Variants in RHOA observed in about 807,000 individuals in gnomAD.
RHOA encodes transforming protein RhoA.
A neutral mutation model predicts 17.5 loss-of-function variants in RHOA; 3 were observed. That is an observed-to-expected ratio of 0.17 (90% CI 0.08 to 0.44). RHOA has a LOEUF of 0.44. Ranked by LOEUF, RHOA falls within the 20% of genes least tolerant of loss-of-function variation. RHOA has a pLI of 0.99. For missense variants in RHOA, 56 were observed against 242.3 expected, an observed-to-expected ratio of 0.23 and a Z score of 5.10; for synonymous variants, 98 against 88.4, an observed-to-expected ratio of 1.11 and a Z score of -0.61.
intron 1 of RHOA, among the ~76,000 whole-genome samples, chr3:49,391,147 G>A (rs1213387415): frequency 6.6e-6 from 1 of 151,572 alleles, no homozygotes; most frequent in East Asian, 1.9e-4. Context: ...GTACCCGGGA[G>A]GCAGAGGTTG....
chr3:49,368,577 G>A (rs1162045347), intron 2 of RHOA, 29 bp from the exon 3 acceptor site: 8 of 1,613,496 alleles, frequency 5.0e-6, no homozygotes, highest in African/African-American at 2.7e-5. Flanking sequence ...CCACAAGAGT[G>A]CAAGGTTAAT....
chr3:49,386,020 A>G (rs931008159), intron 1 of RHOA, among the ~76,000 whole-genome samples: 8 of 152,136 alleles, frequency 5.3e-5, no homozygotes, highest in African/African-American at 1.9e-4. Flanking sequence ...TGAGTCCTCC[A>G]GCTTTGTTTT....
chr3:49,384,048 A>T (rs2048359058), intron 1 of RHOA, among the ~76,000 whole-genome samples: 1 of 152,100 alleles, frequency 6.6e-6, no homozygotes, highest in South Asian at 2.1e-4. Context: ...GAAAGAAAAG[A>T]AAAAGAAAAA....
intron 1 of RHOA, among the ~76,000 whole-genome samples, chr3:49,406,038 G>A (rs529391505): frequency 2.8e-4 from 43 of 152,238 alleles, no homozygotes; most frequent in African/African-American, 8.9e-4. Flanking sequence ...GCTTCATTAT[G>A]AATAACTGGA....
chr3:49,364,747 C>T (rs1224387639), intron 3 of RHOA, among the ~76,000 whole-genome samples: 1 of 151,744 alleles, frequency 6.6e-6, no homozygotes, highest in African/African-American at 2.4e-5. Flanking sequence ...TTTGGGAGGC[C>T]GAGGCAGGTG....
intron 1 of RHOA, among the ~76,000 whole-genome samples, chr3:49,393,693 T>G (rs1186110806): frequency 7.6e-6 from 1 of 131,038 alleles, no homozygotes; most frequent in African/African-American, 3.1e-5. Flanking sequence ...TGTGTGTGTG[T>G]GTGTGTGTGT....
At chr3:49,394,882 C>T (rs777780107) in intron 1 of RHOA, among the ~76,000 whole-genome samples, 12 of 152,052 alleles carry the variant, frequency 7.9e-5, no homozygotes, top group Non-Finnish European at 1.5e-4. Context: ...CTGGAAAGAG[C>T]GGTAACGATG....
At chr3:49,370,663 C>T (rs1034414715) in intron 2 of RHOA, among the ~76,000 whole-genome samples, 1 of 152,038 alleles carries the variant, frequency 6.6e-6, no homozygotes, top group Non-Finnish European at 1.5e-5. Flanking sequence ...ACATCCTCAC[C>T]CTCCTGTGGT....
At chr3:49,386,418 G>T (rs2048396339) in intron 1 of RHOA, among the ~76,000 whole-genome samples, 1 of 152,164 alleles carries the variant, frequency 6.6e-6, no homozygotes, top group Non-Finnish European at 1.5e-5. Context: ...CCTCGCAACA[G>T]TCCTCCTGTA....
chr3:49,405,207 G>A (rs1015679451), intron 1 of RHOA, among the ~76,000 whole-genome samples: 13 of 144,838 alleles, frequency 9.0e-5, no homozygotes, highest in Admixed American at 3.0e-4. Context: ...GCAGTGAGCC[G>A]AGATCGCGCC....
chr3:49,388,513 T>C (rs367583530), intron 1 of RHOA, among the ~76,000 whole-genome samples: 1 of 152,292 alleles, frequency 6.6e-6, no homozygotes, highest in South Asian at 2.1e-4. Context: ...GGTGTGTCCA[T>C]CATATGTTCT....
intron 1 of RHOA, among the ~76,000 whole-genome samples, chr3:49,408,795 CTTT>C (rs113298712): frequency 2.9e-4 from 42 of 142,866 alleles, no homozygotes; most frequent in Admixed American, 4.2e-4. Flanking sequence ...ACTTAAGATC[CTTT>C]TTTTTTTTTT....
intron 1 of RHOA, among the ~76,000 whole-genome samples, chr3:49,398,709 G>A (rs1484722746): frequency 1.3e-5 from 2 of 150,774 alleles, no homozygotes; most frequent in Admixed American, 6.6e-5. Context: ...TCGTGGTGGC[G>A]GGCACCTGTA....
chr3:49,378,963 A>G (rs1012217946), intron 1 of RHOA, among the ~76,000 whole-genome samples: 1 of 152,176 alleles, frequency 6.6e-6, no homozygotes, highest in Non-Finnish European at 1.5e-5. Context: ...AAAGACAAAT[A>G]ATCTAATCCA....
In RHOA at chr3:49,382,298, G is replaced by A. The variant is rs562301644; in HGVS notation, c.-2-6707C>T. Among the ~76,000 whole-genome samples, 8 of 151,856 alleles carry A rather than the reference G, an allele frequency of 5.3e-5. No homozygotes were observed. The East Asian group carries it at 1.2e-3, about 22-fold the overall frequency. On this transcript the variant is annotated intron_variant, in intron 1 of 4. Transcript: ENST00000418115. Reference sequence around the variant, plus strand: ...CGTGCCACTGCACTCCAGCCTGGGTGACAGAGAGAGACTCCGTCTCAAAAA... The same window carrying A: ...CGTGCCACTGCACTCCAGCCTGGGTAACAGAGAGAGACTCCGTCTCAAAAA...
chr3:49,369,701 C>G (rs923301265), intron 2 of RHOA, among the ~76,000 whole-genome samples: 2 of 151,202 alleles, frequency 1.3e-5, no homozygotes, highest in Non-Finnish European at 2.9e-5. Flanking sequence ...TGCCACTGCA[C>G]TCCAGCACTC....
At chr3:49,386,404 C>A (rs1439122566) in intron 1 of RHOA, among the ~76,000 whole-genome samples, 1 of 152,172 alleles carries the variant, frequency 6.6e-6, no homozygotes, top group African/African-American at 2.4e-5. Flanking sequence ...TTTAAACAAA[C>A]AATCCTCGCA....
At chr3:49,400,246 G>A (rs1317874757) in intron 1 of RHOA, among the ~76,000 whole-genome samples, 4 of 146,418 alleles carry the variant, frequency 2.7e-5, no homozygotes, top group Non-Finnish European at 6.0e-5. Context: ...CGAAACTACA[G>A]AAGCATACTG....
chr3:49,365,445 G>C (rs1459704625), intron 3 of RHOA, among the ~76,000 whole-genome samples: 2 of 151,856 alleles, frequency 1.3e-5, no homozygotes, highest in African/African-American at 2.4e-5. Context: ...GCCTGGCCTA[G>C]AATAGATGTT....
Sources: gnomAD v4.1 joint callset for allele counts (sites outside exome capture counted in the v4.1 genomes callset) on GRCh38, gnomAD v4.1.1 for gene constraint, MANE v1.5 for transcripts, NCBI Gene and HGNC (gene_info 2026-07-23, HGNC 2026-07-21) for gene names.